NPFFR2: variants seen among roughly 807,000 people sequenced by gnomAD.
NPFFR2 encodes neuropeptide FF receptor 2, also known as G-protein coupled receptor 74.
In NPFFR2, 15 loss-of-function variants were observed where a neutral mutation model predicts 13.1. The observed-to-expected ratio is 1.15, with a 90% CI of 0.77 to 1.76. NPFFR2 has a LOEUF of 1.76. Among genes scored for constraint, NPFFR2 ranks in the 40% most tolerant of loss-of-function variants. The pLI is 0.00. For missense variants in NPFFR2, 572 were observed against 503.5 expected, an observed-to-expected ratio of 1.14 and a Z score of -1.30; for synonymous variants, 190 against 175.7, an observed-to-expected ratio of 1.08 and a Z score of -0.65.
intron 1 of NPFFR2, among the ~76,000 whole-genome samples, chr4:72,102,416 A>G (rs1197402073): frequency 6.6e-6 from 1 of 151,992 alleles, no homozygotes; most frequent in Admixed American, 6.6e-5. Flanking sequence ...TAGGGTACGT[A>G]TGCACAACAT....
At chr4:72,089,282 A>G (rs1720850847) in intron 1 of NPFFR2, among the ~76,000 whole-genome samples, 1 of 152,102 alleles carries the variant, frequency 6.6e-6, no homozygotes, top group Non-Finnish European at 1.5e-5. Context: ...TTGTACTGCT[A>G]TAAACGTCTG....
intron 1 of NPFFR2, among the ~76,000 whole-genome samples, chr4:72,099,128 G>T (rs898906764): frequency 6.6e-6 from 1 of 152,066 alleles, no homozygotes; most frequent in South Asian, 2.1e-4. Context: ...TTTTCCTGAC[G>T]TGTCATTAAA....
intron 3 of NPFFR2, among the ~76,000 whole-genome samples, chr4:72,138,382 G>A (rs926981924): frequency 3.3e-5 from 5 of 152,024 alleles, no homozygotes; most frequent in Non-Finnish European, 7.4e-5. Context: ...ATTTACATTA[G>A]GTATTTCTCC....
chr4:72,096,520 A>AAT (rs987802386), intron 1 of NPFFR2, among the ~76,000 whole-genome samples: 38 of 152,208 alleles, frequency 2.5e-4, no homozygotes, highest in African/African-American at 7.2e-4. Flanking sequence ...TATATTGTTA[A>AAT]ATATATATAT....
At chr4:72,059,665 A>G (rs952016121) in intron 1 of NPFFR2, among the ~76,000 whole-genome samples, 3 of 152,074 alleles carry the variant, frequency 2.0e-5, no homozygotes, top group African/African-American at 7.2e-5. Flanking sequence ...GTATTCTTAT[A>G]GTATTAACTC....
intron 1 of NPFFR2, among the ~76,000 whole-genome samples, chr4:72,086,734 T>C (rs868722261): frequency 4.6e-5 from 7 of 152,232 alleles, no homozygotes; most frequent in South Asian, 2.1e-4. Flanking sequence ...CCTTCAATAA[T>C]GGATCCCCTT....
At chr4:72,056,708 A>G (rs1719755728) in intron 1 of NPFFR2, among the ~76,000 whole-genome samples, 2 of 152,036 alleles carry the variant, frequency 1.3e-5, no homozygotes, top group Admixed American at 6.6e-5. Context: ...GAGGTAGTCA[A>G]AATGTTAACA....
intron 1 of NPFFR2, among the ~76,000 whole-genome samples, chr4:72,055,908 G>A (rs1355209391): frequency 1.3e-5 from 2 of 151,972 alleles, no homozygotes; most frequent in Admixed American, 1.3e-4. Context: ...GCTAAAAGAG[G>A]TGAGGAAGCT....
At chr4:72,095,678 G>A (rs925507899) in intron 1 of NPFFR2, among the ~76,000 whole-genome samples, 49 of 152,130 alleles carry the variant, frequency 3.2e-4, no homozygotes, top group African/African-American at 4.8e-5. Flanking sequence ...CCCTATATAA[G>A]CCCCAGTACT....
At chr4:72,062,067 T>A (rs140183020) in intron 1 of NPFFR2, among the ~76,000 whole-genome samples, 250 of 95,844 alleles carry the variant, frequency 2.6e-3, no homozygotes, top group African/African-American at 7.9e-3. Context: ...TTTGGAACTC[T>A]TTGGTACTCA....
chr4:72,044,433 C>G (rs1719320538), intron 1 of NPFFR2, among the ~76,000 whole-genome samples: 1 of 152,102 alleles, frequency 6.6e-6, no homozygotes. Context: ...GCCAGTTATC[C>G]CAGCACTACT....
chr4:72,121,962 G>A (rs948043836), intron 1 of NPFFR2, among the ~76,000 whole-genome samples: 2 of 151,966 alleles, frequency 1.3e-5, no homozygotes. Flanking sequence ...CTGGCAAATC[G>A]GATAAAGAGT....
chr4:72,090,619 T>C (rs1488519364), intron 1 of NPFFR2, among the ~76,000 whole-genome samples: 1 of 152,092 alleles, frequency 6.6e-6, no homozygotes, highest in Non-Finnish European at 1.5e-5. Context: ...CTTGATTTGA[T>C]TCTCAGCTTG....
At chr4:72,051,017 G>A (rs1317669498) in intron 1 of NPFFR2, among the ~76,000 whole-genome samples, 1 of 151,880 alleles carries the variant, frequency 6.6e-6, no homozygotes, top group African/African-American at 2.4e-5. Flanking sequence ...TATCATTGTT[G>A]TACATTTGGG....
At chr4:72,101,746 C>T (rs73824741) in intron 1 of NPFFR2, among the ~76,000 whole-genome samples, 1,994 of 152,028 alleles carry the variant, frequency 0.013, 50 homozygotes, top group African/African-American at 0.045. Context: ...ATAAGACTCC[C>T]TCAAGGAGCA....
At chr4:72,123,074 C>G (rs575493125) in intron 1 of NPFFR2, among the ~76,000 whole-genome samples, 1 of 152,124 alleles carries the variant, frequency 6.6e-6, no homozygotes, top group African/African-American at 2.4e-5. Flanking sequence ...AAGGGGATAT[C>G]ATCACTGATT....
At chr4:72,050,555 G>C (rs7688022) in intron 1 of NPFFR2, among the ~76,000 whole-genome samples, 1 of 151,886 alleles carries the variant, frequency 6.6e-6, no homozygotes, top group Non-Finnish European at 1.5e-5. Flanking sequence ...ACATGACATG[G>C]CAAATAGCAG....
At chr4:72,117,173 T>C (rs1721738347) in intron 1 of NPFFR2, among the ~76,000 whole-genome samples, 1 of 152,160 alleles carries the variant, frequency 6.6e-6, no homozygotes, top group African/African-American at 2.4e-5. Context: ...TTTTGTCAGG[T>C]TGTAGCCCGG....
intron 1 of NPFFR2, among the ~76,000 whole-genome samples, chr4:72,107,912 T>C (rs561223755): frequency 6.6e-6 from 1 of 152,176 alleles, no homozygotes; most frequent in South Asian, 2.1e-4. Context: ...TTTTTATGCA[T>C]ATTGTATTTT....
Sources: gnomAD v4.1 joint callset for allele counts (sites outside exome capture counted in the v4.1 genomes callset) on GRCh38, gnomAD v4.1.1 for gene constraint, MANE v1.5 for transcripts, NCBI Gene and HGNC (gene_info 2026-07-23, HGNC 2026-07-21) for gene names.